SNAP25: variants seen among roughly 807,000 people sequenced by gnomAD.
SNAP25 encodes the protein synaptosomal-associated protein 25.
In SNAP25, 3 loss-of-function variants were observed where a neutral mutation model predicts 28.7. The ratio of observed to expected loss-of-function variants is 0.10; its 90% CI spans 0.05 to 0.27. The LOEUF is 0.27. Among genes scored for constraint, SNAP25 ranks in the 10% least tolerant of loss-of-function variants. The probability of loss-of-function intolerance (pLI) is 1.00; values close to 1 mark genes in which losing one functional copy is unlikely to be tolerated. For missense variants in SNAP25, 117 were observed against 278.7 expected (o/e 0.42, Z 4.13); for synonymous variants, 61 against 88.1 (o/e 0.69, Z 1.72).
chr20:10,260,213 G>A (rs1402499729), intron 1 of SNAP25, among the ~76,000 whole-genome samples: 1 of 152,058 alleles, frequency 6.6e-6, no homozygotes, highest in Non-Finnish European at 1.5e-5. Context: ...AAGTTCGTAG[G>A]TCTCCTCCCT....
At chr20:10,224,748 T>A (rs1404193050) in intron 1 of SNAP25, among the ~76,000 whole-genome samples, 2 of 152,022 alleles carry the variant, frequency 1.3e-5, no homozygotes, top group African/African-American at 4.8e-5. Flanking sequence ...CTCAAAGCCC[T>A]ATTCTGAGTC....
intron 1 of SNAP25, among the ~76,000 whole-genome samples, 163 bp from the exon 2 acceptor site, chr20:10,275,266 C>T (rs188151879): frequency 1.6e-4 from 25 of 152,272 alleles, no homozygotes; most frequent in Admixed American, 7.8e-4. Flanking sequence ...TGGCATCCTT[C>T]GGAGAAACAG....
chr20:10,273,745 A>G (rs2063638741), intron 1 of SNAP25, among the ~76,000 whole-genome samples: 2 of 152,244 alleles, frequency 1.3e-5, no homozygotes, highest in African/African-American at 4.8e-5. Flanking sequence ...CCCAGAGATC[A>G]TGCTCTACCA....
chr20:10,288,476 G>T (rs1214104681), intron 4 of SNAP25, among the ~76,000 whole-genome samples: 1 of 152,090 alleles, frequency 6.6e-6, no homozygotes, highest in African/African-American at 2.4e-5. Flanking sequence ...GATATAATTT[G>T]CTGAAATCTT....
intron 1 of SNAP25, among the ~76,000 whole-genome samples, chr20:10,274,616 G>A (rs2063654685): frequency 6.6e-6 from 1 of 152,204 alleles, no homozygotes; most frequent in Non-Finnish European, 1.5e-5. Flanking sequence ...GGCCAAGGCA[G>A]GCGGATCACA....
intron 1 of SNAP25, among the ~76,000 whole-genome samples, chr20:10,228,157 T>G (rs2122643986): frequency 6.6e-6 from 1 of 152,236 alleles, no homozygotes; most frequent in African/African-American, 2.4e-5. Flanking sequence ...AAAACACGGG[T>G]TACTCTGCAT....
At position 10,246,279 on chromosome 20, in the gene SNAP25, G is replaced by A. The variant is rs180983880; in HGVS notation, c.-64+27302G>A. The stretch of plus-strand genomic sequence containing the variant: ...TGTGTGTGTGCACGTGCGTGCATTC[G>A]TGTGCGAGCGCATCCTGCACACATC... On this transcript the variant is annotated intron_variant, in intron 1 of 7. Transcript: ENST00000254976. 4.3e-4 allele frequency among the ~76,000 whole-genome samples: 65 copies of A among 152,312 alleles called. 1 individual carries two copies. The Middle Eastern group carries it at 0.01, about 24-fold the overall frequency.
chr20:10,284,481 C>G (rs538626958), intron 3 of SNAP25, among the ~76,000 whole-genome samples: 91 of 152,172 alleles, frequency 6.0e-4, no homozygotes, highest in African/African-American at 6.3e-4. Context: ...CAGCCCTACC[C>G]CATGGAGACA....
intron 1 of SNAP25, among the ~76,000 whole-genome samples, chr20:10,268,334 C>T (rs960983388): frequency 5.3e-5 from 8 of 152,050 alleles, no homozygotes; most frequent in South Asian, 2.1e-4. Flanking sequence ...AACAGTGTGG[C>T]GAGACATCAA....
rs763881737 is a variant in SNAP25 at position 10,293,671 on chromosome 20, G to C, written c.281+393G>C. On this transcript the variant is annotated intron_variant, in intron 5 of 7. Coordinates refer to ENST00000254976, the MANE Select transcript of SNAP25 (RefSeq NM_130811.4). This position sits in a 1 kb window ranked among gnomAD's most constrained non-coding sequence, Gnocchi z 5.6. ...TTTGGAAGATGAGAAACACATATGC[G>C]AAGGTTTGATTTTTTCCAAAATAAA... is the stretch of plus-strand genomic sequence containing the variant. 6.6e-6 allele frequency among the ~76,000 whole-genome samples: 1 copy of C among 152,288 alleles called. No individual in the cohort carries two copies. Among genetic ancestry groups the C allele is most frequent in the Non-Finnish European group, 1.5e-5 (1 of 68,024 alleles).
intron 5 of SNAP25, among the ~76,000 whole-genome samples, chr20:10,294,113 T>C (rs936297475): frequency 6.6e-6 from 1 of 152,208 alleles, no homozygotes. Context: ...AAGAAATGCA[T>C]GAGTGGATTG....
chr20:10,280,248 T>G (rs1325211116), intron 3 of SNAP25, among the ~76,000 whole-genome samples: 2 of 152,160 alleles, frequency 1.3e-5, no homozygotes, highest in Non-Finnish European at 2.9e-5. Context: ...GGTGGGGCCT[T>G]GCTTTTTAAT....
rs545704607 is a variant in SNAP25 at position 10,258,264 on chromosome 20, C to A, written c.-63-17165C>A. Among the ~76,000 whole-genome samples, 308 of 152,310 alleles carry A rather than the reference C, an allele frequency of 2.0e-3. 1 individual carries two copies. The highest frequency in any genetic ancestry group is 3.9e-3 in the Non-Finnish European group (262 of 68,032). ...CCAGCTTTGTATTTCAGTTAGTAAT[C>A]TTATTCCAGTATTATGTATGAATTC... On this transcript the variant is annotated intron_variant, in intron 1 of 7. Coordinates refer to ENST00000254976, the MANE Select transcript of SNAP25 (RefSeq NM_130811.4).
At chr20:10,297,479 A>C (rs2064138235) in intron 6 of SNAP25, among the ~76,000 whole-genome samples, 1 of 152,172 alleles carries the variant, frequency 6.6e-6, no homozygotes, top group African/African-American at 2.4e-5. Context: ...CCATGAGTTT[A>C]ATTGAATAGA....
rs140161637 is a variant in SNAP25 at position 10,244,296 on chromosome 20, A to T, written c.-64+25319A>T. On this transcript the variant is annotated intron_variant, in intron 1 of 7. Transcript: ENST00000254976. Reference sequence around the variant, plus strand: ...TCAGTGACATAAACCAGTAAGTTAGAACTTACATTTGGGAAAGAGAGACAT... The same window carrying T: ...TCAGTGACATAAACCAGTAAGTTAGTACTTACATTTGGGAAAGAGAGACAT... Among the ~76,000 whole-genome samples, 4 of 152,316 alleles carry T rather than the reference A, an allele frequency of 2.6e-5. No individual in the cohort carries two copies. In the East Asian group the frequency reaches 7.7e-4, roughly 29 times the overall value.
intron 1 of SNAP25, among the ~76,000 whole-genome samples, chr20:10,244,733 C>CTTTT (rs112632869): frequency 7.1e-6 from 1 of 140,580 alleles, no homozygotes; most frequent in African/African-American, 2.6e-5. Context: ...TTCTTTCTCT[C>CTTTT]TTTTTTTTTT....
At chr20:10,253,666 A>C (rs139953053) in intron 1 of SNAP25, among the ~76,000 whole-genome samples, 2,112 of 152,276 alleles carry the variant, frequency 0.014, 21 homozygotes, top group Middle Eastern at 0.034. Context: ...GACTTCTCAA[A>C]ATGATGAGAC....
chr20:10,291,919 A>G (rs979026125), intron 4 of SNAP25, among the ~76,000 whole-genome samples: 1 of 152,224 alleles, frequency 6.6e-6, no homozygotes, highest in African/African-American at 2.4e-5. Context: ...ACTTGTAGTT[A>G]TCTCAATTTG....
At chr20:10,282,215 G>A (rs1444774185) in intron 3 of SNAP25, among the ~76,000 whole-genome samples, 1 of 147,364 alleles carries the variant, frequency 6.8e-6, no homozygotes, top group African/African-American at 2.6e-5. Flanking sequence ...AAGGAAGGAA[G>A]GAAGGAAGGA....
Sources: gnomAD v4.1 joint callset for allele counts (sites outside exome capture counted in the v4.1 genomes callset) on GRCh38, gnomAD v4.1.1 for gene constraint, Gnocchi (gnomAD v3.1) non-coding constraint, MANE v1.5 for transcripts, NCBI Gene and HGNC (gene_info 2026-07-23, HGNC 2026-07-21) for gene names.